The following DENND4C variants were observed in gnomAD, a reference collection of about 807,000 sequenced individuals.
DENND4C encodes the protein DENN domain-containing protein 4C.
A neutral mutation model predicts 203.0 loss-of-function variants in DENND4C; 108 were observed. That is an observed-to-expected ratio of 0.53 (90% CI 0.46 to 0.62). The LOEUF (loss-of-function observed/expected upper bound fraction) is 0.62, where lower values mean the gene tolerates loss of function less well. Among genes scored for constraint, DENND4C ranks in the 20% least tolerant of loss-of-function variants. The pLI is 0.00. For synonymous variants in DENND4C, 871 were observed against 792.4 expected, an observed-to-expected ratio of 1.10 and a Z score of -1.67; for missense variants, 2,481 against 2,301.2, an observed-to-expected ratio of 1.08 and a Z score of -1.60.
At position 19,373,442 on chromosome 9, in the gene DENND4C, G is replaced by A. The variant is rs752317427; in HGVS notation, c.*1269G>A. 2.6e-5 allele frequency: 4 copies of A among 152,608 alleles called. No individual in the cohort carries two copies. The highest frequency in any genetic ancestry group is 5.9e-5 in the Non-Finnish European group (4 of 68,020). The allele number at this position is 152,608 out of a possible 1,614,324, so 9.5% of individuals were successfully genotyped here. ...TTCAGGCACATACATTGTTGGTATT[G>A]ATGACTTTTTAAAACCTGTGGGATA... On this transcript the variant is annotated 3_prime_UTR_variant, in exon 33 of 33. Transcript: ENST00000434457.
Position 19,360,372 on chromosome 9 carries a change from C to A in DENND4C, c.5289C>A (p.Phe1763Leu). Residue 1763 changes from phenylalanine (F) to leucine (L), a missense_variant, in exon 29 of 33, where the codon TTC (phenylalanine) becomes TTA (leucine). Coordinates refer to ENST00000434457, the MANE Select transcript of DENND4C (RefSeq NM_001330640.2). ...ATCAGGTGATTCATACATCTTCTTT[C>A]ATCAATCAACATCCAATCATTTTCT... The part of the protein sequence containing the change: ...EGDQVIHTSS[F>L]INQHPIIFWN... 6.2e-7 allele frequency: 1 copy of A among 1,614,088 alleles called. No individual in the cohort carries two copies. Among genetic ancestry groups the A allele is most frequent in the Non-Finnish European group, 8.5e-7 (1 of 1,179,978 alleles).
At chr9:19,325,819 G>A (rs905690491) in intron 13 of DENND4C, 120 bp from the exon 14 acceptor site, 2 of 902,806 alleles carry the variant, frequency 2.2e-6, no homozygotes, top group Admixed American at 2.6e-5. Flanking sequence ...TACTGTGCAT[G>A]TTTTGTATCA....
chr9:19,271,603 C>A (rs981852408), intron 1 of DENND4C, among the ~76,000 whole-genome samples: 3 of 152,212 alleles, frequency 2.0e-5, no homozygotes, highest in Non-Finnish European at 2.9e-5. Context: ...AGGTGGCTCA[C>A]GCCTGTAATC....
chr9:19,365,572 G>C (rs954137898), intron 30 of DENND4C, among the ~76,000 whole-genome samples: 8 of 151,318 alleles, frequency 5.3e-5, no homozygotes, highest in South Asian at 2.1e-4. Context: ...ATCCAAACTG[G>C]AAAGGAAAAA....
chr9:19,312,237 G>A (rs1840881975), intron 10 of DENND4C, among the ~76,000 whole-genome samples: 1 of 152,096 alleles, frequency 6.6e-6, no homozygotes. Flanking sequence ...CCGAGTAGCT[G>A]GGATTACAGG....
At chr9:19,348,524 G>A (rs1007257383) in intron 23 of DENND4C, among the ~76,000 whole-genome samples, 1 of 152,130 alleles carries the variant, frequency 6.6e-6, no homozygotes, top group Non-Finnish European at 1.5e-5. Flanking sequence ...GAAGCTTAAA[G>A]CATCATGTAC....
At chr9:19,351,846 C>G (rs1824214861) in intron 24 of DENND4C, among the ~76,000 whole-genome samples, 1 of 151,626 alleles carries the variant, frequency 6.6e-6, no homozygotes, top group Non-Finnish European at 1.5e-5. Flanking sequence ...TTCAAATGTC[C>G]TGAAAGTTGA....
chr9:19,350,464 C>T (rs966047861), intron 23 of DENND4C, among the ~76,000 whole-genome samples: 7 of 152,092 alleles, frequency 4.6e-5, no homozygotes, highest in African/African-American at 1.7e-4. Flanking sequence ...GACACCCAGA[C>T]CTCCCACATA....
At chr9:19,302,733 C>G (rs1385514565) in intron 9 of DENND4C, among the ~76,000 whole-genome samples, 1 of 152,204 alleles carries the variant, frequency 6.6e-6, no homozygotes, top group Non-Finnish European at 1.5e-5. Flanking sequence ...CACTCCTCTT[C>G]CTCTTGCTCA....
chr9:19,351,687 A>G (rs1404719728), intron 24 of DENND4C, among the ~76,000 whole-genome samples: 1 of 151,882 alleles, frequency 6.6e-6, no homozygotes, highest in African/African-American at 2.4e-5. Context: ...TGCGCCTGTA[A>G]TCCCAGCTAC....
Position 19,290,596 on chromosome 9 carries a change from A to T in DENND4C, c.629-108A>T, listed in dbSNP as rs115069857. ...GAAATCAATTTTAAAATACCACACA[A>T]GTATTGCCATGAAATTCGGCATTAA... On this transcript the variant is annotated intron_variant, in intron 4 of 32. Coordinates refer to ENST00000434457, the MANE Select transcript of DENND4C (RefSeq NM_001330640.2). The T allele has an allele frequency of 9.9e-4, 707 of 715,520 alleles. 7 individuals are homozygous for T. In the African/African-American group the frequency reaches 0.012, roughly 12 times the overall value. 44.3% of individuals were successfully genotyped at this position (715,520 alleles called of 1,614,324 possible). A position where few individuals can be genotyped will look rare whatever the true frequency, so the allele number is the denominator to read the frequency against.
intron 10 of DENND4C, among the ~76,000 whole-genome samples, chr9:19,310,579 C>A (rs1840543193): frequency 6.6e-6 from 1 of 152,198 alleles, no homozygotes; most frequent in Non-Finnish European, 1.5e-5. Context: ...TATCCTTCCT[C>A]TAGAGTTTTG....
At chr9:19,313,666 G>A (rs1007306859) in intron 10 of DENND4C, among the ~76,000 whole-genome samples, 2 of 152,222 alleles carry the variant, frequency 1.3e-5, no homozygotes, top group African/African-American at 2.4e-5. Flanking sequence ...CACAAGGGAA[G>A]TGTTAGCTCT....
chr9:19,247,838 C>T (rs1441037986), intron 1 of DENND4C, among the ~76,000 whole-genome samples: 1 of 152,200 alleles, frequency 6.6e-6, no homozygotes, highest in African/African-American at 2.4e-5. Context: ...CGTTTACCCA[C>T]TTAAGCCACA....
In DENND4C at chr9:19,369,912, G is replaced by T; in HGVS notation, c.5600G>T (p.Ser1867Ile). ...TSTLVETIRQ[S>I]IQHNNVLKPI... ...ACTTTAGTAGAAACCATCAGGCAGAGTATTCAGCACAATAATGTTCTTAAA... is the reference window on the plus strand; with the variant it reads ...ACTTTAGTAGAAACCATCAGGCAGATTATTCAGCACAATAATGTTCTTAAA... Residue 1867 changes from serine to isoleucine, a missense_variant, in exon 31 of 33, where the codon AGT (serine) becomes ATT (isoleucine). Transcript: ENST00000434457. The T allele has an allele frequency of 1.2e-6, 2 of 1,613,830 alleles. No individual in the cohort carries two copies. The highest frequency in any genetic ancestry group is 1.7e-6 in the Non-Finnish European group (2 of 1,179,894).
intron 30 of DENND4C, among the ~76,000 whole-genome samples, chr9:19,364,158 G>C (rs1043029350): frequency 6.6e-6 from 1 of 152,002 alleles, no homozygotes; most frequent in African/African-American, 2.4e-5. Context: ...ACTCCAGCCT[G>C]GGTGACAAAG....
intron 1 of DENND4C, among the ~76,000 whole-genome samples, chr9:19,268,542 A>C (rs1377959955): frequency 1.3e-5 from 2 of 152,262 alleles, no homozygotes; most frequent in East Asian, 3.9e-4. Flanking sequence ...ATCTTCAGGT[A>C]ATTTCTCATT....
At position 19,363,657 on chromosome 9, in the gene DENND4C, AC is replaced by A. The variant is rs758078475; in HGVS notation, c.5524+1695del. 1.4e-4 allele frequency among the ~76,000 whole-genome samples: 21 copies of A among 152,262 alleles called. No individual in the cohort carries two copies. In the East Asian group the frequency reaches 3.7e-3, roughly 27 times the overall value. Reference sequence around the variant, plus strand: ...TGACACAATTCAGTCTGTAATATAAACATATTTTAAAAGCTCAATCATACTA... The same window carrying A: ...TGACACAATTCAGTCTGTAATATAAAATATTTTAAAAGCTCAATCATACTA... On this transcript the variant is annotated intron_variant, in intron 30 of 32. Transcript: ENST00000434457.
chr9:19,275,870 G>C (rs554888169), intron 1 of DENND4C, among the ~76,000 whole-genome samples: 28 of 152,304 alleles, frequency 1.8e-4, no homozygotes, highest in African/African-American at 6.7e-4. Flanking sequence ...GCCCCCCAAA[G>C]TGCTAGGATT....
Sources: gnomAD v4.1 joint callset for allele counts (sites outside exome capture counted in the v4.1 genomes callset) on GRCh38, gnomAD v4.1.1 for gene constraint, MANE v1.5 for transcripts, NCBI Gene and HGNC (gene_info 2026-07-23, HGNC 2026-07-21) for gene names.